The following TRIO variants were observed in gnomAD, a reference collection of about 807,000 sequenced individuals.
TRIO encodes the protein trio Rho guanine nucleotide exchange factor.
Under a neutral mutation model 351.9 loss-of-function variants are expected in TRIO, and 58 were observed. The ratio of observed to expected loss-of-function variants is 0.16; its 90% CI spans 0.13 to 0.21. The LOEUF is 0.21. Ranked by LOEUF, TRIO falls within the 10% of genes least tolerant of loss-of-function variation. TRIO has a pLI of 1.00. For synonymous variants in TRIO, 1,758 were observed against 1,595.7 expected (o/e 1.10, Z -2.42); for missense variants, 3,201 against 4,027.8 (o/e 0.79, Z 5.56).
At chr5:14,145,388 A>G (rs189940390) in intron 1 of TRIO, among the ~76,000 whole-genome samples, 2,127 of 152,230 alleles carry the variant, frequency 0.014, 55 homozygotes, top group Middle Eastern at 0.017. Context: ...CCGACTGTCC[A>G]GTGTTAGCTT....
intron 8 of TRIO, among the ~76,000 whole-genome samples, chr5:14,314,080 G>T (rs907906161): frequency 2.0e-5 from 3 of 152,186 alleles, no homozygotes; most frequent in Non-Finnish European, 4.4e-5. Flanking sequence ...GGAAATATTT[G>T]TAAGGAATTC....
At chr5:14,352,797 C>T (rs1215681913) in intron 11 of TRIO, among the ~76,000 whole-genome samples, 4 of 152,166 alleles carry the variant, frequency 2.6e-5, no homozygotes, top group African/African-American at 7.2e-5. Flanking sequence ...TCCTCAGTAC[C>T]CGCGCTGGTT....
intron 1 of TRIO, among the ~76,000 whole-genome samples, chr5:14,216,586 C>T (rs368274183): frequency 2.0e-5 from 3 of 152,170 alleles, no homozygotes; most frequent in Non-Finnish European, 4.4e-5. Flanking sequence ...ATCAAGGTGT[C>T]GTATTTCAGT....
intron 34 of TRIO, among the ~76,000 whole-genome samples, chr5:14,426,029 T>C (rs964612289): frequency 4.6e-5 from 7 of 152,234 alleles, no homozygotes; most frequent in Admixed American, 1.3e-4. Flanking sequence ...ATTTCAAGTA[T>C]GTTCTCTTTT....
chr5:14,290,199 T>C (rs1736788213), intron 4 of TRIO, among the ~76,000 whole-genome samples: 1 of 152,216 alleles, frequency 6.6e-6, no homozygotes, highest in African/African-American at 2.4e-5. Flanking sequence ...CCACACGTAA[T>C]TGAATTTAGA....
intron 43 of TRIO, 82 bp from the exon 44 acceptor site, chr5:14,481,152 C>A: frequency 6.9e-7 from 1 of 1,457,264 alleles, no homozygotes; most frequent in Non-Finnish European, 9.3e-7. Flanking sequence ...ATAGTGAGAC[C>A]CTGTCTCTTA....
At chr5:14,364,847 T>TG in intron 15 of TRIO, 31 bp downstream of exon 15, 7 of 1,590,216 alleles carry the variant, frequency 4.4e-6, no homozygotes, top group Non-Finnish European at 6.0e-6. Flanking sequence ...TTGGGGAGGC[T>TG]GCGCTACAGA....
intron 34 of TRIO, among the ~76,000 whole-genome samples, chr5:14,456,336 G>C (rs1342577938): frequency 6.6e-6 from 1 of 152,254 alleles, no homozygotes; most frequent in Non-Finnish European, 1.5e-5. Context: ...GCAGCGGTGG[G>C]CTGAAGGGCT....
At chr5:14,469,991 C>T (rs1754566997) in intron 37 of TRIO, among the ~76,000 whole-genome samples, 1 of 152,206 alleles carries the variant, frequency 6.6e-6, no homozygotes, top group South Asian at 2.1e-4. Flanking sequence ...CCTCCCTTCG[C>T]TCTCAAAAAC....
chr5:14,381,326 C>T (rs2152354285), intron 21 of TRIO, 74 bp downstream of exon 21: 1 of 1,500,284 alleles, frequency 6.7e-7, no homozygotes, highest in East Asian at 2.3e-5. Flanking sequence ...TAAAGAAATA[C>T]CTCATGAGAT....
chr5:14,273,345 C>T (rs534421848), intron 2 of TRIO, among the ~76,000 whole-genome samples: 5 of 152,160 alleles, frequency 3.3e-5, no homozygotes, highest in Non-Finnish European at 5.9e-5. Flanking sequence ...TGAATATTTC[C>T]GATCCTTAGC....
chr5:14,410,255 G>A (rs752816577), intron 33 of TRIO, among the ~76,000 whole-genome samples: 4 of 152,300 alleles, frequency 2.6e-5, no homozygotes, highest in South Asian at 4.1e-4. Context: ...GAAGGTGCAC[G>A]TTTGCTGCCC....
intron 49 of TRIO, among the ~76,000 whole-genome samples, chr5:14,494,924 T>A (rs905484467): frequency 6.6e-6 from 1 of 152,132 alleles, no homozygotes; most frequent in Non-Finnish European, 1.5e-5. Context: ...AATACATAAA[T>A]ACATTTTGTA....
At chr5:14,354,679 A>G (rs1743455387) in intron 11 of TRIO, among the ~76,000 whole-genome samples, 1 of 152,240 alleles carries the variant, frequency 6.6e-6, no homozygotes, top group South Asian at 2.1e-4. Context: ...TTCTGCTCCA[A>G]GTTTGAACAT....
chr5:14,327,848 C>T (rs911835420), intron 9 of TRIO, among the ~76,000 whole-genome samples: 15 of 152,166 alleles, frequency 9.9e-5, no homozygotes, highest in Non-Finnish European at 1.6e-4. Context: ...TTCTCAAGGC[C>T]GAGAGGTCCA....
rs1324143980 is a variant in TRIO at position 14,286,176 on chromosome 5, T to G, written c.348-695T>G. Among the ~76,000 whole-genome samples the G allele has an allele frequency of 6.6e-6, 1 of 152,068 alleles. No individual in the cohort carries two copies. The highest frequency in any genetic ancestry group is 1.5e-5 in the Non-Finnish European group (1 of 68,004). ...TGACGTGTGTCAGAGGCCAGCAGTG[T>G]TAAGCCAGCGTTGCTACCACATAAA... is the stretch of plus-strand genomic sequence containing the variant. On this transcript the variant is annotated intron_variant, in intron 3 of 56. Coordinates refer to ENST00000344204, the MANE Select transcript of TRIO (RefSeq NM_007118.4). The surrounding 1 kb of genome is among the most constrained non-coding windows in gnomAD (Gnocchi z 4.4).
intron 1 of TRIO, among the ~76,000 whole-genome samples, chr5:14,218,118 C>G (rs751484516): frequency 6.6e-6 from 1 of 152,126 alleles, no homozygotes; most frequent in Non-Finnish European, 1.5e-5. Context: ...TAAAATGCAA[C>G]TTTTGCAAAG....
At chr5:14,450,877 C>T (rs1045987082) in intron 34 of TRIO, among the ~76,000 whole-genome samples, 2 of 152,130 alleles carry the variant, frequency 1.3e-5, no homozygotes, top group African/African-American at 4.8e-5. Context: ...TGTTTCAACC[C>T]CTGATGAATC....
intron 55 of TRIO, among the ~76,000 whole-genome samples, chr5:14,506,728 C>T (rs1223693600): frequency 6.6e-6 from 1 of 152,014 alleles, no homozygotes; most frequent in African/African-American, 2.4e-5. Context: ...TGAGTCTTCC[C>T]GTGGCCCATT....
Sources: allele counts gnomAD v4.1 joint callset (sites outside exome capture counted in the v4.1 genomes callset), GRCh38; gene constraint gnomAD v4.1.1; non-coding constraint Gnocchi (gnomAD v3.1); transcripts MANE v1.5; gene names NCBI Gene and HGNC (gene_info 2026-07-23, HGNC 2026-07-21).